Variants in MFHAS1 observed in about 807,000 individuals in gnomAD.
MFHAS1 encodes the protein malignant fibrous histiocytoma-amplified sequence 1.
MFHAS1 carries 50 observed loss-of-function variants against 70.4 expected under a neutral mutation model. The observed-to-expected ratio is 0.71, with a 90% CI of 0.57 to 0.90. The LOEUF (loss-of-function observed/expected upper bound fraction) is 0.90. MFHAS1 is among the 40% of genes least tolerant of loss of function. The pLI is 0.00. For synonymous variants in MFHAS1, 952 were observed against 620.0 expected (o/e 1.54, Z -7.96); for missense variants, 1,795 against 1,347.6 (o/e 1.33, Z -5.20).
chr8:8,869,386 A>G (rs1198748404), intron 1 of MFHAS1, among the ~76,000 whole-genome samples: 1 of 152,180 alleles, frequency 6.6e-6, no homozygotes, highest in East Asian at 1.9e-4. Flanking sequence ...CTACATACAT[A>G]ATTCATCATG....
intron 1 of MFHAS1, among the ~76,000 whole-genome samples, chr8:8,812,496 C>T (rs1408266524): frequency 1.3e-5 from 2 of 152,152 alleles, no homozygotes; most frequent in Non-Finnish European, 2.9e-5. Context: ...TAAGCTGGGG[C>T]AATGACAGGG....
intron 1 of MFHAS1, among the ~76,000 whole-genome samples, chr8:8,872,457 G>C (rs976767706): frequency 2.0e-5 from 3 of 152,170 alleles, no homozygotes; most frequent in Non-Finnish European, 4.4e-5. Context: ...ATGCATGGCA[G>C]TTTATCACTT....
At chr8:8,836,523 T>A (rs188810585) in intron 1 of MFHAS1, among the ~76,000 whole-genome samples, 1 of 152,148 alleles carries the variant, frequency 6.6e-6, no homozygotes, top group Admixed American at 6.5e-5. Flanking sequence ...AGACTACAGG[T>A]GTCCACCACC....
intron 1 of MFHAS1, among the ~76,000 whole-genome samples, chr8:8,830,320 C>G (rs1290186341): frequency 6.6e-6 from 1 of 152,180 alleles, no homozygotes; most frequent in African/African-American, 2.4e-5. Context: ...AGCATTTTAA[C>G]TAAAAGAAGA....
intron 1 of MFHAS1, among the ~76,000 whole-genome samples, chr8:8,862,579 G>A (rs1016940631): frequency 6.6e-5 from 10 of 152,084 alleles, no homozygotes; most frequent in Non-Finnish European, 1.3e-4. Flanking sequence ...GGGGGTGGAG[G>A]TGATGAACAG....
intron 2 of MFHAS1, among the ~76,000 whole-genome samples, chr8:8,787,337 C>T (rs770841532): frequency 1.6e-4 from 24 of 152,146 alleles, no homozygotes; most frequent in Non-Finnish European, 3.2e-4. Context: ...ACCTTGGCCT[C>T]CCAAAGTACT....
At chr8:8,869,691 G>GT (rs922497852) in intron 1 of MFHAS1, among the ~76,000 whole-genome samples, 3 of 152,116 alleles carry the variant, frequency 2.0e-5, no homozygotes, top group African/African-American at 7.2e-5. Flanking sequence ...TCCGCTTTCT[G>GT]TTTTTTAAAA....
intron 1 of MFHAS1, among the ~76,000 whole-genome samples, chr8:8,819,055 A>G (rs769560361): frequency 2.0e-5 from 3 of 152,232 alleles, no homozygotes; most frequent in South Asian, 2.1e-4. Context: ...ATGCTCATCA[A>G]TAGAAGGCTG....
intron 1 of MFHAS1, among the ~76,000 whole-genome samples, chr8:8,803,174 C>T (rs1371462783): frequency 1.3e-5 from 2 of 152,124 alleles, no homozygotes; most frequent in Non-Finnish European, 2.9e-5. Context: ...GTGAGTTTTG[C>T]ATCCACGGAT....
chr8:8,875,929 T>C (rs1163546259), intron 1 of MFHAS1, among the ~76,000 whole-genome samples: 1 of 152,134 alleles, frequency 6.6e-6, no homozygotes, highest in Non-Finnish European at 1.5e-5. Context: ...TAAAAGAGCA[T>C]AAGGTGTTCA....
At chr8:8,796,489 C>T (rs943646230) in intron 2 of MFHAS1, among the ~76,000 whole-genome samples, 2 of 151,200 alleles carry the variant, frequency 1.3e-5, no homozygotes, top group African/African-American at 2.4e-5. Context: ...CGAGATCATC[C>T]TGGCTAACAG....
intron 1 of MFHAS1, among the ~76,000 whole-genome samples, chr8:8,840,942 T>C (rs1563199034): frequency 1.3e-5 from 2 of 152,204 alleles, no homozygotes; most frequent in Non-Finnish European, 2.9e-5. Context: ...CATATTCTCA[T>C]ATTGGATTTG....
At chr8:8,881,346 G>C (rs771859009) in intron 1 of MFHAS1, among the ~76,000 whole-genome samples, 37 of 152,280 alleles carry the variant, frequency 2.4e-4, no homozygotes, top group Non-Finnish European at 4.3e-4. Context: ...TGTTATCCAC[G>C]CAGCCACCAT....
chr8:8,832,069 C>T (rs1807415994), intron 1 of MFHAS1, among the ~76,000 whole-genome samples: 1 of 151,532 alleles, frequency 6.6e-6, no homozygotes, highest in South Asian at 2.1e-4. Flanking sequence ...CGCGCACACA[C>T]ACACACACAC....
At chr8:8,788,499 C>G (rs373655533) in intron 2 of MFHAS1, among the ~76,000 whole-genome samples, 1 of 152,096 alleles carries the variant, frequency 6.6e-6, no homozygotes, top group South Asian at 2.1e-4. Context: ...GCCAACATGG[C>G]AAAACCCTGT....
chr8:8,890,039 A>C lies in MFHAS1; in HGVS notation c.2998+22T>G, dbSNP rs931865011. On this transcript the variant is annotated intron_variant, in intron 1 of 2. Coordinates refer to ENST00000276282, the MANE Select transcript of MFHAS1 (RefSeq NM_004225.3). ...ATATCTTACAGCATACCACAGAAGA[A>C]CTTCTCCCTCTCTCCACTTACCTGG... is the stretch of plus-strand genomic sequence containing the variant. 5.8e-6 allele frequency: 9 copies of C among 1,546,592 alleles called. No homozygotes were observed. The East Asian group carries it at 1.8e-4, about 31-fold the overall frequency.
At chr8:8,862,346 A>G (rs1808697890) in intron 1 of MFHAS1, among the ~76,000 whole-genome samples, 1 of 137,956 alleles carries the variant, frequency 7.2e-6, no homozygotes. Flanking sequence ...TCTATTCAAA[A>G]TATGTTACTC....
At chr8:8,794,580 C>A (rs1805830157) in intron 2 of MFHAS1, among the ~76,000 whole-genome samples, 1 of 152,164 alleles carries the variant, frequency 6.6e-6, no homozygotes. Context: ...TAAAGTCACA[C>A]AAGAGATCAT....
intron 2 of MFHAS1, among the ~76,000 whole-genome samples, chr8:8,793,906 G>C (rs1289651967): frequency 4.6e-5 from 7 of 152,166 alleles, no homozygotes; most frequent in Admixed American, 2.6e-4. Context: ...GCCTGACCTT[G>C]GCTGGGCACG....
Sources: allele counts gnomAD v4.1 joint callset (sites outside exome capture counted in the v4.1 genomes callset), GRCh38; gene constraint gnomAD v4.1.1; transcripts MANE v1.5; gene names NCBI Gene and HGNC (gene_info 2026-07-23, HGNC 2026-07-21).